STXBP6: variants seen among roughly 807,000 people sequenced by gnomAD.
The protein encoded by STXBP6 is syntaxin binding protein 6.
Under a neutral mutation model 26.9 loss-of-function variants are expected in STXBP6, and 21 were observed. The observed-to-expected ratio is 0.78, with a 90% confidence interval of 0.55 to 1.12. The LOEUF is 1.12. Among genes scored for constraint, STXBP6 ranks in the 50% most tolerant of loss-of-function variants. The pLI, the probability that STXBP6 is intolerant of heterozygous loss-of-function variation, is 0.00. For synonymous variants in STXBP6, 97 were observed against 92.6 expected (o/e 1.05, Z -0.27); for missense variants, 232 against 257.9 (o/e 0.90, Z 0.69).
At chr14:24,973,548 G>A (rs2073963972) in intron 2 of STXBP6, among the ~76,000 whole-genome samples, 1 of 151,790 alleles carries the variant, frequency 6.6e-6, no homozygotes, top group South Asian at 2.1e-4. Context: ...ATCATGCCTG[G>A]CTAATTTTTT....
intron 2 of STXBP6, among the ~76,000 whole-genome samples, chr14:24,867,070 T>C (rs933270756): frequency 1.3e-5 from 2 of 152,036 alleles, no homozygotes; most frequent in South Asian, 4.2e-4. Flanking sequence ...TAAAACTTAA[T>C]CCCCATTGCA....
intron 1 of STXBP6, among the ~76,000 whole-genome samples, chr14:25,033,974 G>C (rs865887345): frequency 6.6e-6 from 1 of 152,118 alleles, no homozygotes; most frequent in Non-Finnish European, 1.5e-5. Context: ...GAATTTCCTG[G>C]GGTCCCTTCA....
At chr14:24,961,781 C>G (rs959883018) in intron 2 of STXBP6, among the ~76,000 whole-genome samples, 1 of 150,684 alleles carries the variant, frequency 6.6e-6, no homozygotes, top group East Asian at 1.9e-4. Flanking sequence ...GCACGTGTAC[C>G]CTGTAAATCT....
chr14:25,018,476 C>A (rs2075200514), intron 1 of STXBP6, among the ~76,000 whole-genome samples: 1 of 152,162 alleles, frequency 6.6e-6, no homozygotes, highest in African/African-American at 2.4e-5. Context: ...TCAGGGGGCC[C>A]CAAACCTCTA....
rs184012780 is a variant in STXBP6, at chr14:24,811,967, T to C, written c.*742A>G. ...AGAGGGTTTTAGGTAGGCTTTTCTT[T>C]AGGGCTTTACTCTCAAATTTTTACC... On this transcript the variant is annotated 3_prime_UTR_variant, in exon 6 of 6. Coordinates refer to ENST00000323944, the MANE Select transcript of STXBP6 (RefSeq NM_001394410.1). 1.3e-5 allele frequency: 2 copies of C among 152,266 alleles called. No homozygotes were observed. The highest frequency in any genetic ancestry group is 3.9e-4 in the East Asian group (2 of 5,152). 9.4% of individuals were successfully genotyped at this position (152,266 alleles called of 1,614,324 possible).
At chr14:24,974,547 G>C in intron 2 of STXBP6, 118 bp downstream of exon 2, 1 of 833,068 alleles carries the variant, frequency 1.2e-6, no homozygotes, top group Non-Finnish European at 1.7e-6. Flanking sequence ...ACGGGGAAAA[G>C]GAGCAAGACA....
At chr14:24,857,756 C>T (rs2069390401) in intron 2 of STXBP6, among the ~76,000 whole-genome samples, 1 of 151,760 alleles carries the variant, frequency 6.6e-6, no homozygotes. Context: ...GTGTTCTGGG[C>T]ACACCTCCAC....
intron 2 of STXBP6, among the ~76,000 whole-genome samples, chr14:24,970,351 ACAC>A (rs2140175026): frequency 6.6e-6 from 1 of 152,346 alleles, no homozygotes; most frequent in East Asian, 1.9e-4. Context: ...TACGTAATCA[ACAC>A]CACAATCAAC....
intron 2 of STXBP6, among the ~76,000 whole-genome samples, chr14:24,946,747 G>C (rs142630919): frequency 3.7e-4 from 56 of 152,302 alleles, no homozygotes; most frequent in African/African-American, 1.2e-3. Context: ...GTCCTGAATA[G>C]ATTATTTTTT....
chr14:24,846,484 AC>A (rs1242317121), intron 4 of STXBP6, among the ~76,000 whole-genome samples: 1 of 152,156 alleles, frequency 6.6e-6, no homozygotes, highest in Admixed American at 6.5e-5. Flanking sequence ...TTGTCTACAT[AC>A]CATAAACGTT....
At chr14:24,876,222 G>A (rs1230098672) in intron 2 of STXBP6, among the ~76,000 whole-genome samples, 1 of 152,136 alleles carries the variant, frequency 6.6e-6, no homozygotes, top group Non-Finnish European at 1.5e-5. Context: ...CAGAAATAAA[G>A]CCAGCCAGAG....
chr14:24,988,997 G>A (rs1047684066), intron 1 of STXBP6, among the ~76,000 whole-genome samples: 6 of 152,132 alleles, frequency 3.9e-5, no homozygotes, highest in East Asian at 1.9e-4. Context: ...GGTTACAAAC[G>A]GAAAGTTTTG....
chr14:24,914,356 T>A (rs901709770), intron 2 of STXBP6, among the ~76,000 whole-genome samples: 1 of 152,186 alleles, frequency 6.6e-6, no homozygotes, highest in African/African-American at 2.4e-5. Flanking sequence ...GATATTTGCA[T>A]CTTAACAGGA....
intron 2 of STXBP6, among the ~76,000 whole-genome samples, chr14:24,889,680 T>G (rs557948602): frequency 6.6e-6 from 1 of 152,230 alleles, no homozygotes; most frequent in East Asian, 1.9e-4. Flanking sequence ...AATTGTAAAG[T>G]TAGAAACTAA....
rs1283132990 is a variant in STXBP6, at chr14:24,810,656, G to C, written c.*2053C>G. 6.6e-5 allele frequency: 10 copies of C among 152,214 alleles called. No homozygotes were observed. The highest frequency in any genetic ancestry group is 6.5e-4 in the Admixed American group (10 of 15,272). 9.4% of individuals were successfully genotyped at this position (152,214 alleles called of 1,614,324 possible). ...TAACTATTGTAATTCTACCAGGGAA[G>C]AAGAATCTTGGGTTTCACAGTATGC... On this transcript the variant is annotated 3_prime_UTR_variant, in exon 6 of 6. Coordinates refer to ENST00000323944, the MANE Select transcript of STXBP6 (RefSeq NM_001394410.1).
At chr14:24,856,954 C>T in intron 3 of STXBP6, 73 bp downstream of exon 3, 1 of 1,537,192 alleles carries the variant, frequency 6.5e-7, no homozygotes, top group Non-Finnish European at 8.8e-7. Context: ...ACCACCACTA[C>T]CACTACCAAG....
chr14:24,997,790 C>T (rs977065268), intron 1 of STXBP6, among the ~76,000 whole-genome samples: 6 of 152,104 alleles, frequency 3.9e-5, no homozygotes, highest in African/African-American at 1.4e-4. Flanking sequence ...ATATAATTCA[C>T]ACATATGGAA....
At chr14:24,984,630 T>A (rs1412675165) in intron 1 of STXBP6, among the ~76,000 whole-genome samples, 2 of 152,220 alleles carry the variant, frequency 1.3e-5, no homozygotes, top group African/African-American at 4.8e-5. Context: ...GCCAGTGTAG[T>A]ACAATCTGAA....
chr14:25,033,077 A>C (rs1420592859), intron 1 of STXBP6, among the ~76,000 whole-genome samples: 1 of 152,144 alleles, frequency 6.6e-6, no homozygotes, highest in Non-Finnish European at 1.5e-5. Flanking sequence ...TGGCTATTAT[A>C]AGTAATACTG....
Sources: allele counts gnomAD v4.1 joint callset (sites outside exome capture counted in the v4.1 genomes callset), GRCh38; gene constraint gnomAD v4.1.1; transcripts MANE v1.5; gene names NCBI Gene and HGNC (gene_info 2026-07-23, HGNC 2026-07-21).